The following AMMECR1 variants were observed in gnomAD, a reference collection of about 807,000 sequenced individuals.
AMMECR1 encodes nuclear protein AMMECR1.
AMMECR1 carries 3 observed loss-of-function variants against 22.5 expected under a neutral mutation model. That is an observed-to-expected ratio of 0.13 (90% CI 0.06 to 0.35). The LOEUF is 0.35. Ranked by LOEUF, AMMECR1 falls within the 10% of genes least tolerant of loss-of-function variation. The pLI, the probability that AMMECR1 is intolerant of heterozygous loss-of-function variation, is 1.00. For missense variants in AMMECR1, 235 were observed against 278.7 expected, an observed-to-expected ratio of 0.84 and a Z score of 1.12; for synonymous variants, 130 against 116.7, an observed-to-expected ratio of 1.11 and a Z score of -0.74.
intron 1 of AMMECR1, among the ~76,000 whole-genome samples, chrX:110,290,486 A>G (rs1470505609): frequency 8.9e-6 from 1 of 112,329 alleles, no homozygotes; most frequent in Non-Finnish European, 1.9e-5. Flanking sequence ...TATAACGTCT[A>G]TGTAATAGAA....
At chrX:110,412,213 T>C (rs1011223737) in intron 2 of AMMECR1, among the ~76,000 whole-genome samples, 1 of 112,587 alleles carries the variant, frequency 8.9e-6, no homozygotes, top group Admixed American at 9.4e-5. Flanking sequence ...ACTCATTCAC[T>C]CTTGATGCAC....
chrX:110,254,412 A>G (rs1373507168), intron 2 of AMMECR1, among the ~76,000 whole-genome samples: 1 of 111,998 alleles, frequency 8.9e-6, no homozygotes, highest in Non-Finnish European at 1.9e-5. Flanking sequence ...TTCATTATGT[A>G]CATTAGTTTC....
chrX:110,225,072 TTTGA>T (rs749019477), intron 2 of AMMECR1: 7 of 368,662 alleles, frequency 1.9e-5, no homozygotes, highest in Non-Finnish European at 3.7e-5. Context: ...TCCAAACAGT[TTTGA>T]TTGAGTATTC....
intron 1 of AMMECR1, among the ~76,000 whole-genome samples, chrX:110,314,119 C>A (rs764318552): frequency 3.9e-4 from 43 of 111,655 alleles, no homozygotes; most frequent in African/African-American, 1.3e-3. Flanking sequence ...AGTATGAGAA[C>A]CAGTCCTTCT....
Position 110,198,264 on chromosome X carries a change from G to GA in AMMECR1, c.*255dup, listed in dbSNP as rs1290546395. The GA allele has an allele frequency of 2.4e-3, 494 of 205,364 alleles. No individual in the cohort carries two copies. Among genetic ancestry groups the GA allele is most frequent in the East Asian group, 3.0e-3 (40 of 13,124 alleles). The allele number at this position is 205,364 out of a possible 1,213,427, so 16.9% of individuals were successfully genotyped here. A position where few individuals can be genotyped will look rare whatever the true frequency, so the allele number is the denominator to read the frequency against. ...GCAAAATTCTACATAATATTATAAG[G>GA]AAAAAAAAACCCAAAATTATATATG... On this transcript the variant is annotated 3_prime_UTR_variant, in exon 6 of 6. Coordinates refer to ENST00000262844, the MANE Select transcript of AMMECR1 (RefSeq NM_015365.3).
At chrX:110,347,589 T>C (rs1313678658) in intron 2 of AMMECR1, among the ~76,000 whole-genome samples, 2 of 113,037 alleles carry the variant, frequency 1.8e-5, no homozygotes, top group Non-Finnish European at 3.7e-5. Context: ...CCTTATTATC[T>C]GTATTTGGCA....
chrX:110,237,028 C>T (rs527633126), intron 2 of AMMECR1, among the ~76,000 whole-genome samples: 2 of 111,576 alleles, frequency 1.8e-5, no homozygotes, highest in South Asian at 3.8e-4. Context: ...GGAAAACACA[C>T]ATAAACTCTG....
intron 2 of AMMECR1, among the ~76,000 whole-genome samples, chrX:110,367,973 A>ATTATT (rs537050639): frequency 4.7e-5 from 4 of 85,326 alleles, no homozygotes; most frequent in East Asian, 3.8e-4. Context: ...AGTGCTGGCT[A>ATTATT]ATTATTATTA....
At chrX:110,237,697 T>C (rs1349350798) in intron 2 of AMMECR1, among the ~76,000 whole-genome samples, 1 of 111,894 alleles carries the variant, frequency 8.9e-6, no homozygotes, top group Non-Finnish European at 1.9e-5. Context: ...CCTTTGCCAC[T>C]GCCATGTCCT....
At chrX:110,233,229 T>C (rs2067579740) in intron 2 of AMMECR1, among the ~76,000 whole-genome samples, 1 of 111,929 alleles carries the variant, frequency 8.9e-6, no homozygotes, top group African/African-American at 3.2e-5. Context: ...CTAGAAAATC[T>C]AGAAGAAATG....
chrX:110,363,053 GT>G (rs1387014674), intron 2 of AMMECR1, among the ~76,000 whole-genome samples: 4 of 111,922 alleles, frequency 3.6e-5, no homozygotes, highest in African/African-American at 1.3e-4. Context: ...TTTATCTATT[GT>G]TTTTTGTCAC....
At chrX:110,299,876 CCTT>C (rs768367363) in intron 1 of AMMECR1, among the ~76,000 whole-genome samples, 6 of 112,014 alleles carry the variant, frequency 5.4e-5, no homozygotes, top group Non-Finnish European at 1.1e-4. Context: ...GGCAGGATTC[CCTT>C]CTTTTATGGC....
intron 2 of AMMECR1, among the ~76,000 whole-genome samples, chrX:110,256,415 T>G (rs778528644): frequency 3.3e-4 from 37 of 111,759 alleles, no homozygotes; most frequent in Non-Finnish European, 6.2e-4. Context: ...AATAGAAAAT[T>G]TTTTAAATGT....
chrX:110,313,239 G>A, intron 1 of AMMECR1, among the ~76,000 whole-genome samples: 1 of 112,017 alleles, frequency 8.9e-6, no homozygotes, highest in Admixed American at 9.4e-5. Context: ...ATCTGCATAT[G>A]CGGGAGTGGA....
Position 110,408,334 on chromosome X carries a change from C to T in AMMECR1, c.-148+18324G>A, listed in dbSNP as rs2068617047. 3.6e-5 allele frequency among the ~76,000 whole-genome samples: 4 copies of T among 111,750 alleles called. No homozygotes were observed. The South Asian group carries it at 1.5e-3, about 42-fold the overall frequency. On this transcript the variant is annotated intron_variant, in intron 2 of 7. Transcript: ENST00000372057. ...GTGGCTCTCAACTGAGACAATACTG[C>T]CCCCTAGGGGACTTTTGGAAAATGC...
chrX:110,374,563 C>T (rs2068362486), intron 2 of AMMECR1, among the ~76,000 whole-genome samples: 1 of 111,895 alleles, frequency 8.9e-6, no homozygotes, highest in Non-Finnish European at 1.9e-5. Context: ...AAATGAGGTC[C>T]TCTTTAACAT....
chrX:110,396,056 G>T (rs910755705), intron 2 of AMMECR1, among the ~76,000 whole-genome samples: 2 of 111,464 alleles, frequency 1.8e-5, no homozygotes, highest in Admixed American at 1.9e-4. Flanking sequence ...ATATCTAAAT[G>T]CTTTTTCTTC....
chrX:110,272,324 A>G (rs936676731), intron 1 of AMMECR1, among the ~76,000 whole-genome samples: 8 of 111,890 alleles, frequency 7.1e-5, no homozygotes, highest in African/African-American at 2.6e-4. Context: ...AACTAAGAAT[A>G]ACAGAAGAAC....
intron 1 of AMMECR1, among the ~76,000 whole-genome samples, chrX:110,299,910 A>G (rs763815351): frequency 1.4e-3 from 154 of 112,094 alleles, no homozygotes; most frequent in Non-Finnish European, 1.1e-3. Flanking sequence ...TCCATTGTGT[A>G]TATTTCTTTA....
Sources: allele counts gnomAD v4.1 joint callset (sites outside exome capture counted in the v4.1 genomes callset), GRCh38; gene constraint gnomAD v4.1.1; transcripts MANE v1.5; gene names NCBI Gene and HGNC (gene_info 2026-07-23, HGNC 2026-07-21).